TRPV4: variants seen among roughly 807,000 people sequenced by gnomAD.
TRPV4 encodes transient receptor potential cation channel subfamily V member 4.
A neutral mutation model predicts 84.1 loss-of-function variants in TRPV4; 58 were observed. The ratio of observed to expected loss-of-function variants is 0.69; its 90% CI spans 0.56 to 0.86. The LOEUF is 0.86. TRPV4 is among the 40% of genes least tolerant of loss of function. TRPV4 has a pLI of 0.00. For synonymous variants in TRPV4, 489 were observed against 500.9 expected, an observed-to-expected ratio of 0.98 and a Z score of 0.32; for missense variants, 879 against 1,181.1, an observed-to-expected ratio of 0.74 and a Z score of 3.75.
At chr12:109,817,226 G>T (rs1032947477) in intron 1 of TRPV4, among the ~76,000 whole-genome samples, 2 of 152,172 alleles carry the variant, frequency 1.3e-5, no homozygotes. Flanking sequence ...CAGGGGCACA[G>T]GCATTGGCGG....
At chr12:109,826,522 T>G (rs1892256000) in intron 1 of TRPV4, among the ~76,000 whole-genome samples, 2 of 152,216 alleles carry the variant, frequency 1.3e-5, no homozygotes, top group South Asian at 4.1e-4. Context: ...ATGAACAAAC[T>G]GAAGATCAGA....
In TRPV4 at chr12:109,786,808, G is replaced by A. The variant is rs768237019; in HGVS notation, c.2238C>T (p.Arg746=). The change falls in exon 14 of 16, where the codon CGC becomes CGT. Residue 746 remains arginine, a synonymous_variant. Coordinates refer to ENST00000261740, the MANE Select transcript of TRPV4 (RefSeq NM_021625.5). The surrounding 1 kb of genome is among the most constrained non-coding windows in gnomAD (Gnocchi z 4.5). ...QWATTILDIE[R]SFPVFLRKAF... The stretch of plus-strand genomic sequence containing the variant: ...CCTTCCTCAGGAATACGGGGAAGGA[G>A]CGCTCAATGTCCAGGATGGTGGTGG... 10 of 1,614,034 alleles carry A rather than the reference G, an allele frequency of 6.2e-6. No individual in the cohort carries two copies. In the South Asian group the frequency reaches 9.9e-5, roughly 16 times the overall value.
intron 1 of TRPV4, among the ~76,000 whole-genome samples, chr12:109,825,585 T>G (rs2077676664): frequency 6.6e-6 from 1 of 152,160 alleles, no homozygotes; most frequent in South Asian, 2.1e-4. Context: ...GGCTCGTGAC[T>G]GCAGAGACCT....
chr12:109,802,612 T>C (rs1191975077), intron 4 of TRPV4, among the ~76,000 whole-genome samples: 29 of 89,992 alleles, frequency 3.2e-4, no homozygotes, highest in African/African-American at 1.4e-3. Context: ...TTCTTTTATT[T>C]TATTTTTTTT....
intron 1 of TRPV4, among the ~76,000 whole-genome samples, chr12:109,823,357 G>A (rs1445911527): frequency 6.6e-6 from 1 of 152,218 alleles, no homozygotes; most frequent in East Asian, 1.9e-4. Context: ...CCCCACGGAG[G>A]GCAAGGCCAG....
Position 109,820,513 on chromosome 12 carries a change from C to CTTTTTTTTTTTT in TRPV4, c.-31-5687_-31-5686insAAAAAAAAAAAA, listed in dbSNP as rs1245573219. On this transcript the variant is annotated intron_variant, in intron 1 of 15. Coordinates refer to ENST00000261740, the MANE Select transcript of TRPV4 (RefSeq NM_021625.5). ...TCTGATCTTCACTTTCTTCAGCTGCCCTATTTTTTTTTTTTTTTTTTTTTT... is the reference window on the plus strand; with the variant it reads ...TCTGATCTTCACTTTCTTCAGCTGCCTTTTTTTTTTTTCTATTTTTTTTTTTTTTTTTTTTTT... Among the ~76,000 whole-genome samples the CTTTTTTTTTTTT allele has an allele frequency of 4.7e-4, 50 of 106,798 alleles. 2 individuals carry two copies. The highest frequency in any genetic ancestry group is 6.5e-4 in the Non-Finnish European group (32 of 49,190). The allele number at this position is 106,798 out of a possible 152,430, so 70.1% of individuals were successfully genotyped here.
At position 109,793,612 on chromosome 12, in the gene TRPV4, G is replaced by A; in HGVS notation, c.1585-12C>T. 3 of 1,612,874 alleles carry A rather than the reference G, an allele frequency of 1.9e-6. No individual in the cohort carries two copies. Among genetic ancestry groups the A allele is most frequent in the South Asian group, 2.2e-5 (2 of 91,046 alleles). On this transcript the variant is annotated splice_polypyrimidine_tract_variant and intron_variant, in intron 9 of 15. Coordinates refer to ENST00000261740, the MANE Select transcript of TRPV4 (RefSeq NM_021625.5). This position sits in a 1 kb window ranked among gnomAD's most constrained non-coding sequence, Gnocchi z 4.0. ...AACAAGTCTTTGATCTGGAAGACAG[G>A]AGGGGGCACGTGAAAGGGGTGGGGC...
At position 109,815,304 on chromosome 12, in the gene TRPV4, C is replaced by CCAGTG. The variant is rs1317185511; in HGVS notation, c.-31-482_-31-478dup. 3.3e-5 allele frequency among the ~76,000 whole-genome samples: 5 copies of CCAGTG among 152,210 alleles called. No homozygotes were observed. Among genetic ancestry groups the CCAGTG allele is most frequent in the African/African-American group, 1.2e-4 (5 of 41,450 alleles). ...ATGGACAGAACATGCAGTCCAGTGG[C>CCAGTG]CAGTGCAGTGCAGTGCCTGGCACGT... On this transcript the variant is annotated intron_variant, in intron 1 of 15. Transcript: ENST00000261740. The surrounding 1 kb of genome is among the most constrained non-coding windows in gnomAD (Gnocchi z 4.1).
chr12:109,788,626 C>T lies in TRPV4; in HGVS notation c.1982G>A (p.Arg661His), dbSNP rs368448939. The change falls in exon 13 of 16, where the codon CGT becomes CAT. Residue 661 changes from arginine to histidine, a missense_variant. Arg to His is a conservative substitution (Grantham distance 29, BLOSUM62 0). Coordinates refer to ENST00000261740, the MANE Select transcript of TRPV4 (RefSeq NM_021625.5). ...NCTVPTYPSC[R>H]DSETFSTFLL... is the part of the protein sequence containing the mutation. ...GAAGGTGCTGAAGGTCTCGCTGTCA[C>T]GGCACGAGGGGTAAGTGGGCACTGT... The T allele has an allele frequency of 2.0e-5, 33 of 1,614,104 alleles. No homozygotes were observed. Among genetic ancestry groups the T allele is most frequent in the Admixed American group, 3.3e-5 (2 of 60,006 alleles).
chr12:109,788,340 G>A (rs764076224), intron 13 of TRPV4, 60 bp downstream of exon 13: 100 of 1,536,744 alleles, frequency 6.5e-5, no homozygotes, highest in Non-Finnish European at 8.4e-5. Context: ...CAGTCGGGTG[G>A]GTCTCCTCGG....
intron 1 of TRPV4, among the ~76,000 whole-genome samples, chr12:109,820,713 C>T (rs1214387082): frequency 2.6e-5 from 4 of 151,598 alleles, no homozygotes; most frequent in Admixed American, 2.0e-4. Flanking sequence ...TTAGTACAGA[C>T]GGGGTTTCAT....
intron 1 of TRPV4, among the ~76,000 whole-genome samples, chr12:109,817,107 A>G (rs1415666660): frequency 1.3e-5 from 2 of 152,172 alleles, no homozygotes; most frequent in South Asian, 4.1e-4. Context: ...GACTGGCCAG[A>G]CAGGAGAGGG....
At chr12:109,785,497 C>A (rs1025266683) in intron 14 of TRPV4, among the ~76,000 whole-genome samples, 7 of 152,020 alleles carry the variant, frequency 4.6e-5, no homozygotes, top group Non-Finnish European at 8.8e-5. Context: ...CGGCTCACTG[C>A]AACCTCCACC....
chr12:109,793,588 A>G lies in TRPV4; in HGVS notation c.1597T>C (p.Phe533Leu), dbSNP rs746473735. 1.9e-6 allele frequency: 3 copies of G among 1,613,936 alleles called. No homozygotes were observed. The highest frequency in any genetic ancestry group is 1.3e-5 in the African/African-American group (1 of 74,910). ...TTCACTCCAGGGCATTTCTTCATGA[A>G]CAAGTCTTTGATCTGGAAGACAGGA... ...LFFFTNIKDL[F>L]MKKCPGVNSL... The change falls in exon 10 of 16, where the codon TTC becomes CTC. Residue 533 changes from phenylalanine to leucine, a missense_variant. Coordinates refer to ENST00000261740, the MANE Select transcript of TRPV4 (RefSeq NM_021625.5). The surrounding 1 kb of genome is among the most constrained non-coding windows in gnomAD (Gnocchi z 4.0).
At chr12:109,805,207 A>G (rs769296366) in intron 3 of TRPV4, among the ~76,000 whole-genome samples, 20 of 152,278 alleles carry the variant, frequency 1.3e-4, no homozygotes, top group Admixed American at 7.9e-4. Flanking sequence ...GCCTCTGCCA[A>G]GCACAGTGCC....
At chr12:109,825,402 G>A (rs937928137) in intron 1 of TRPV4, among the ~76,000 whole-genome samples, 4 of 151,994 alleles carry the variant, frequency 2.6e-5, no homozygotes, top group African/African-American at 9.7e-5. Flanking sequence ...CCCCACCCAG[G>A]TCGTAGCAAT....
At position 109,783,382 on chromosome 12, in the gene TRPV4, G is replaced by A. The variant is rs1889455458; in HGVS notation, c.*239C>T. The A allele has an allele frequency of 1.9e-6, 1 of 514,370 alleles. No homozygotes were observed. The highest frequency in any genetic ancestry group is 3.4e-6 in the Non-Finnish European group (1 of 292,418). 31.9% of individuals were successfully genotyped at this position (514,370 alleles called of 1,614,324 possible). ...GCAGGGGCTGGGGCCTGAGGTGGAG[G>A]GGCTCTGGCGTTGGCTTATGTGACT... On this transcript the variant is annotated 3_prime_UTR_variant, in exon 16 of 16. Coordinates refer to ENST00000261740, the MANE Select transcript of TRPV4 (RefSeq NM_021625.5). This position sits in a 1 kb window ranked among gnomAD's most constrained non-coding sequence, Gnocchi z 4.6.
Position 109,783,360 on chromosome 12 carries a change from G to A in TRPV4, c.*261C>T, listed in dbSNP as rs1889454160. On this transcript the variant is annotated 3_prime_UTR_variant, in exon 16 of 16. Transcript: ENST00000261740. This position sits in a 1 kb window ranked among gnomAD's most constrained non-coding sequence, Gnocchi z 4.6. ...AGAGCAAATAAATAATGGAGAGGCAGGGGCTGGGGCCTGAGGTGGAGGGGC... is the reference window on the plus strand; with the variant it reads ...AGAGCAAATAAATAATGGAGAGGCAAGGGCTGGGGCCTGAGGTGGAGGGGC... 7 of 484,294 alleles carry A rather than the reference G, an allele frequency of 1.4e-5. No homozygotes were observed. The highest frequency in any genetic ancestry group is 2.6e-5 in the Non-Finnish European group (7 of 273,828). 30.0% of individuals were successfully genotyped at this position (484,294 alleles called of 1,614,324 possible). A position where few individuals can be genotyped will look rare whatever the true frequency, so the allele number is the denominator to read the frequency against.
intron 4 of TRPV4, among the ~76,000 whole-genome samples, chr12:109,801,295 A>G (rs1350409770): frequency 6.6e-6 from 1 of 152,202 alleles, no homozygotes; most frequent in Non-Finnish European, 1.5e-5. Flanking sequence ...CCACACCTAA[A>G]TCTCACCTTG....
Sources: gnomAD v4.1 joint callset for allele counts (sites outside exome capture counted in the v4.1 genomes callset) on GRCh38, gnomAD v4.1.1 for gene constraint, Gnocchi (gnomAD v3.1) non-coding constraint, MANE v1.5 for transcripts, NCBI Gene and HGNC (gene_info 2026-07-23, HGNC 2026-07-21) for gene names.